The following RFX4 variants were observed in gnomAD, a reference collection of about 807,000 sequenced individuals.
The protein encoded by RFX4 is transcription factor RFX4.
Under a neutral mutation model 95.0 loss-of-function variants are expected in RFX4, and 10 were observed. The ratio of observed to expected loss-of-function variants is 0.11; its 90% CI spans 0.06 to 0.18. The LOEUF is 0.18. Ranked by LOEUF, RFX4 falls within the 10% of genes least tolerant of loss-of-function variation. The pLI is 1.00. For synonymous variants in RFX4, 321 were observed against 340.7 expected, an observed-to-expected ratio of 0.94 and a Z score of 0.64; for missense variants, 640 against 922.0, an observed-to-expected ratio of 0.69 and a Z score of 3.96.
At chr12:106,739,104 T>C (rs148716363) in intron 15 of RFX4, among the ~76,000 whole-genome samples, 2,957 of 126,164 alleles carry the variant, frequency 0.023, 44 homozygotes, top group Middle Eastern at 0.038. Context: ...GAAAAATCAA[T>C]TTCGTAAAAA....
chr12:106,687,423 G>T (rs985552691), intron 6 of RFX4, among the ~76,000 whole-genome samples: 11 of 151,834 alleles, frequency 7.2e-5, no homozygotes, highest in African/African-American at 2.7e-4. Context: ...GTGTGGAGGT[G>T]GGCACCTGTA....
chr12:106,690,477 T>TGGCTA (rs1467938822), intron 7 of RFX4, among the ~76,000 whole-genome samples: 2 of 152,166 alleles, frequency 1.3e-5, no homozygotes, highest in Non-Finnish European at 2.9e-5. Flanking sequence ...AAGACAATAC[T>TGGCTA]AGCTGCTGTA....
chr12:106,634,070 T>A (rs2040466996), intron 2 of RFX4, among the ~76,000 whole-genome samples: 1 of 152,212 alleles, frequency 6.6e-6, no homozygotes, highest in Non-Finnish European at 1.5e-5. Context: ...TGATAAAAGA[T>A]GAGGCAAATA....
chr12:106,599,513 G>T (rs1279195755), intron 1 of RFX4, among the ~76,000 whole-genome samples: 2 of 150,044 alleles, frequency 1.3e-5, no homozygotes, highest in African/African-American at 5.0e-5. Context: ...GATGATGAAG[G>T]TGATGGTGCT....
intron 7 of RFX4, among the ~76,000 whole-genome samples, chr12:106,689,749 T>G (rs900176849): frequency 3.9e-5 from 6 of 152,214 alleles, no homozygotes; most frequent in Non-Finnish European, 2.9e-5. Context: ...TTTTGTATAT[T>G]TAGGCTTTTC....
At chr12:106,626,520 G>A (rs1419682219) in intron 2 of RFX4, among the ~76,000 whole-genome samples, 1 of 152,156 alleles carries the variant, frequency 6.6e-6, no homozygotes, top group Non-Finnish European at 1.5e-5. Flanking sequence ...CCAAACAAGG[G>A]GTCTAGAGTT....
At chr12:106,721,907 C>T (rs2042402721) in intron 13 of RFX4, among the ~76,000 whole-genome samples, 2 of 152,170 alleles carry the variant, frequency 1.3e-5, no homozygotes, top group Admixed American at 1.3e-4. Context: ...TGTGGGAAAA[C>T]AAAGAAGGCA....
chr12:106,645,364 G>A (rs1450917626), intron 3 of RFX4, among the ~76,000 whole-genome samples: 1 of 151,846 alleles, frequency 6.6e-6, no homozygotes, highest in Non-Finnish European at 1.5e-5. Context: ...CCCCGCCCTC[G>A]CCCGCCACCC....
chr12:106,601,677 C>A (rs2039714065), intron 1 of RFX4, among the ~76,000 whole-genome samples: 1 of 152,208 alleles, frequency 6.6e-6, no homozygotes, highest in Admixed American at 6.5e-5. Context: ...GCTTGAACAC[C>A]ACGGCTGGCT....
intron 1 of RFX4, among the ~76,000 whole-genome samples, chr12:106,608,353 C>T (rs1208319143): frequency 2.0e-5 from 3 of 152,190 alleles, no homozygotes; most frequent in African/African-American, 7.2e-5. Flanking sequence ...AAAGTTTTAC[C>T]TGCTTTTCTC....
intron 1 of RFX4, among the ~76,000 whole-genome samples, chr12:106,591,130 C>CT (rs1555223849): frequency 3.3e-5 from 5 of 151,924 alleles, no homozygotes; most frequent in Non-Finnish European, 7.4e-5. Flanking sequence ...ACAATCTCTT[C>CT]TTCTTTCTTT....
intron 3 of RFX4, among the ~76,000 whole-genome samples, chr12:106,641,989 C>T (rs1260423875): frequency 6.9e-6 from 1 of 145,258 alleles, no homozygotes; most frequent in African/African-American, 2.8e-5. Flanking sequence ...ATATCTATAT[C>T]TATATCTATA....
chr12:106,728,860 T>C (rs1004676320), intron 13 of RFX4, among the ~76,000 whole-genome samples: 3 of 152,234 alleles, frequency 2.0e-5, no homozygotes, highest in Non-Finnish European at 4.4e-5. Context: ...CTCAGAGCAC[T>C]TAGCACAATG....
rs898972720 is a variant in RFX4, at chr12:106,624,499, AT to A, written c.131-14824del. Among the ~76,000 whole-genome samples, 40 of 150,186 alleles carry A rather than the reference AT, an allele frequency of 2.7e-4. No individual in the cohort carries two copies. In the Middle Eastern group the frequency reaches 0.014, roughly 52 times the overall value. ...ACCACCACGTCCAGCTACTTTTTGT[AT>A]TTTTTTTTAGTAGAGATGGGGTTTC... On this transcript the variant is annotated intron_variant, in intron 2 of 17. Transcript: ENST00000392842.
chr12:106,646,637 C>T (rs1193857090), intron 3 of RFX4, among the ~76,000 whole-genome samples: 1 of 152,058 alleles, frequency 6.6e-6, no homozygotes, highest in Non-Finnish European at 1.5e-5. Context: ...TGATTCAGTC[C>T]ATTGCCCCAC....
intron 8 of RFX4, among the ~76,000 whole-genome samples, chr12:106,708,454 G>A (rs1300358665): frequency 6.6e-6 from 1 of 152,048 alleles, no homozygotes; most frequent in East Asian, 1.9e-4. Flanking sequence ...ATAGCCATGA[G>A]AAAGGAAAGA....
In RFX4 at chr12:106,741,212, C is replaced by T. The variant is rs148822058; in HGVS notation, c.1634-6225C>T. On this transcript the variant is annotated intron_variant, in intron 15 of 17. Transcript: ENST00000392842. ...CTTAAGGATAGATAATAGCCAATGACGGAGGTTGCAGTGAGCCAAGATCAC... is the reference window on the plus strand; with the variant it reads ...CTTAAGGATAGATAATAGCCAATGATGGAGGTTGCAGTGAGCCAAGATCAC... Among the ~76,000 whole-genome samples the T allele has an allele frequency of 4.9e-4, 75 of 152,098 alleles. 1 individual carries two copies. Among genetic ancestry groups the T allele is most frequent in the African/African-American group, 1.7e-3 (71 of 41,482 alleles).
chr12:106,706,546 C>T (rs1391312631), intron 8 of RFX4, among the ~76,000 whole-genome samples: 2 of 151,944 alleles, frequency 1.3e-5, no homozygotes, highest in Non-Finnish European at 2.9e-5. Flanking sequence ...TCCAAAATAG[C>T]GTATGCAAAA....
chr12:106,700,642 G>A lies in RFX4; in HGVS notation c.833+4196G>A, dbSNP rs1044393388. On this transcript the variant is annotated intron_variant, in intron 8 of 17. Coordinates refer to ENST00000392842, the MANE Select transcript of RFX4 (RefSeq NM_213594.3). ...AGGATGGTCTCGATCTCCTGACCTC[G>A]TGATCCGCCCGCCTCGGCCTCCCAA... Among the ~76,000 whole-genome samples, 4 of 151,362 alleles carry A rather than the reference G, an allele frequency of 2.6e-5. 1 individual carries two copies. Among genetic ancestry groups the A allele is most frequent in the Admixed American group, 6.6e-5 (1 of 15,250 alleles).
Sources: allele counts gnomAD v4.1 joint callset (sites outside exome capture counted in the v4.1 genomes callset), GRCh38; gene constraint gnomAD v4.1.1; transcripts MANE v1.5; gene names NCBI Gene and HGNC (gene_info 2026-07-23, HGNC 2026-07-21).